Variants in PRR14L observed in about 807,000 individuals in gnomAD.
The protein encoded by PRR14L is protein PRR14L.
In PRR14L, 80 loss-of-function variants were observed where a neutral mutation model predicts 155.0. The ratio of observed to expected loss-of-function variants is 0.52; its 90% CI spans 0.43 to 0.62. The LOEUF is 0.62. PRR14L is among the 20% of genes least tolerant of loss of function. PRR14L has a pLI of 0.00. For synonymous variants in PRR14L, 883 were observed against 916.0 expected (o/e 0.96, Z 0.65); for missense variants, 2,469 against 2,548.0 (o/e 0.97, Z 0.67).
chr22:31,715,422 G>C lies in PRR14L; in HGVS notation c.2417C>G (p.Ala806Gly). The C allele has an allele frequency of 1.3e-6, 2 of 1,552,296 alleles. No individual in the cohort carries two copies. Among genetic ancestry groups the C allele is most frequent in the Non-Finnish European group, 8.7e-7 (1 of 1,147,110 alleles). ...SQENMCSASAAFKSSKISLQV... is the reference protein window; with the variant it reads ...SQENMCSASAGFKSSKISLQV... ...CAGGCTGATTTTGCTGGACTTGAAA[G>C]CAGCAGAAGCAGAACACATGTTTTC... The change falls in exon 4 of 9, where the codon GCT becomes GGT. Residue 806 changes from alanine to glycine, a missense_variant. Ala to Gly is a moderately conservative substitution (Grantham distance 60). Transcript: ENST00000327423.
At chr22:31,701,150 G>A (rs1252988302) in intron 7 of PRR14L, among the ~76,000 whole-genome samples, 5 of 151,690 alleles carry the variant, frequency 3.3e-5, no homozygotes, top group East Asian at 1.9e-4. Flanking sequence ...CACCAAGCCC[G>A]GCTAATTTTG....
rs1417914630 is a variant in PRR14L at position 31,716,277 on chromosome 22, GC to G, written c.1561del (p.Ala521GlnfsTer7). On this transcript the variant is annotated frameshift_variant, in exon 4 of 9. Transcript: ENST00000327423. LOFTEE classifies it high-confidence loss of function. ...SFSSLMQIEEAGQTTPVEPNI... is the reference protein window; with the variant it reads ...SFSSLMQIEEXGQTTPVEPNI... ...GGGCTCTACAGGGGTTGTCTGTCCTGCCTCTTCAATCTGCATCAAGGAGGAA... is the reference window on the plus strand; with the variant it reads ...GGGCTCTACAGGGGTTGTCTGTCCTGCTCTTCAATCTGCATCAAGGAGGAA... 6.4e-7 allele frequency: 1 copy of G among 1,551,464 alleles called. No individual in the cohort carries two copies. The highest frequency in any genetic ancestry group is 8.7e-7 in the Non-Finnish European group (1 of 1,146,922).
chr22:31,727,041 T>TC (rs2074719949), intron 2 of PRR14L, among the ~76,000 whole-genome samples: 2 of 152,124 alleles, frequency 1.3e-5, no homozygotes, highest in Non-Finnish European at 2.9e-5. Flanking sequence ...TACAGGCTCC[T>TC]TCAGATCCCA....
chr22:31,737,960 A>T (rs1312357798), intron 2 of PRR14L, among the ~76,000 whole-genome samples: 1 of 151,996 alleles, frequency 6.6e-6, no homozygotes, highest in East Asian at 1.9e-4. Context: ...GGTTGCAGTG[A>T]GCCAAGGTCG....
chr22:31,741,028 C>T (rs915050542), intron 1 of PRR14L, among the ~76,000 whole-genome samples: 9 of 151,564 alleles, frequency 5.9e-5, no homozygotes, highest in African/African-American at 1.7e-4. Context: ...CCGAGAGGGG[C>T]GGATCACGAG....
rs1169959982 is a variant in PRR14L at position 31,715,225 on chromosome 22, T to C, written c.2614A>G (p.Ile872Val). 3 of 1,552,338 alleles carry C rather than the reference T, an allele frequency of 1.9e-6. No individual in the cohort carries two copies. The highest frequency in any genetic ancestry group is 4.9e-5 in the East Asian group (2 of 40,922). The stretch of plus-strand genomic sequence containing the variant: ...AAGCCTGCTACCATTTTGTTTCTGA[T>C]CTTATCTCCTGGAAGGCTGCCATTC... Reference protein sequence around the residue: ...ETNGSLPGDKIRNKMVAGLLN... With the variant: ...ETNGSLPGDKVRNKMVAGLLN... Residue 872 changes from isoleucine to valine, a missense_variant, in exon 4 of 9, where the codon ATC (isoleucine) becomes GTC (valine). Ile to Val is a conservative substitution (Grantham distance 29). Transcript: ENST00000327423.
At chr22:31,692,578 T>C (rs1335323500) in intron 7 of PRR14L, among the ~76,000 whole-genome samples, 2 of 152,204 alleles carry the variant, frequency 1.3e-5, no homozygotes, top group African/African-American at 4.8e-5. Context: ...CAGACCCTTA[T>C]TAGATGTGTG....
In PRR14L at chr22:31,713,636, T is replaced by C; in HGVS notation, c.4203A>G (p.Lys1401=). Residue 1401 remains lysine, a synonymous_variant, in exon 4 of 9, where the codon AAA becomes AAG. Coordinates refer to ENST00000327423, the MANE Select transcript of PRR14L (RefSeq NM_173566.3). ...TTTGTTGACGTATATATTTCTCTTCTTTCTGCAACATGTAGTCCAAAACCT... is the reference window on the plus strand; with the variant it reads ...TTTGTTGACGTATATATTTCTCTTCCTTCTGCAACATGTAGTCCAAAACCT... ...SPEVLDYMLQ[K]EEKYIRQQKA... 6.4e-7 allele frequency: 1 copy of C among 1,551,984 alleles called. No individual in the cohort carries two copies. Among genetic ancestry groups the C allele is most frequent in the Non-Finnish European group, 8.7e-7 (1 of 1,147,064 alleles).
chr22:31,690,328 C>T (rs1392209336), intron 7 of PRR14L, among the ~76,000 whole-genome samples: 3 of 152,036 alleles, frequency 2.0e-5, no homozygotes, highest in African/African-American at 7.2e-5. Context: ...GGATTACAGG[C>T]GTGAGCCACC....
intron 1 of PRR14L, among the ~76,000 whole-genome samples, chr22:31,741,723 T>C (rs2074814082): frequency 6.6e-6 from 1 of 151,672 alleles, no homozygotes; most frequent in Admixed American, 6.6e-5. Context: ...AATATAAAAA[T>C]TAGCTGGGCA....
At chr22:31,747,102 C>A (rs12373963) in intron 1 of PRR14L, among the ~76,000 whole-genome samples, 200 of 148,248 alleles carry the variant, frequency 1.3e-3, no homozygotes, top group Admixed American at 2.5e-3. Context: ...CCGCGCCTGA[C>A]CCTCTCCCAG....
At chr22:31,743,567 A>G (rs1471347413) in intron 1 of PRR14L, among the ~76,000 whole-genome samples, 2 of 152,110 alleles carry the variant, frequency 1.3e-5, no homozygotes, top group Admixed American at 6.6e-5. Context: ...TTGGGAGGCC[A>G]AGGTGGGTGG....
chr22:31,742,991 G>T (rs914279492), intron 1 of PRR14L, among the ~76,000 whole-genome samples: 1 of 152,190 alleles, frequency 6.6e-6, no homozygotes, highest in Non-Finnish European at 1.5e-5. Context: ...AAGATCCCCT[G>T]TATAGGAATG....
At position 31,717,199 on chromosome 22, in the gene PRR14L, C is replaced by T. The variant is rs1475727285; in HGVS notation, c.640G>A (p.Gly214Arg). ...VNGTKTDNNEGHKNGNVSKDL... is the reference protein window; with the variant it reads ...VNGTKTDNNERHKNGNVSKDL... ...TTACTCACATTGCCATTTTTGTGTCCTTCATTATTATCCGTCTTAGTCCCA... is the reference window on the plus strand; with the variant it reads ...TTACTCACATTGCCATTTTTGTGTCTTTCATTATTATCCGTCTTAGTCCCA... The change falls in exon 4 of 9, where the codon GGA (glycine) becomes AGA (arginine). Residue 214 changes from glycine to arginine, a missense_variant. Physicochemically the swap from Gly to Arg is moderately radical, Grantham distance 125. Around this residue, in one of 2 missense-constraint regions of PRR14L, gnomAD observed 2,363 missense variants for 2,371.6 expected, o/e 1.00. Transcript: ENST00000327423. 1.0e-5 allele frequency: 16 copies of T among 1,552,122 alleles called. No homozygotes were observed. Among genetic ancestry groups the T allele is most frequent in the Non-Finnish European group, 1.3e-5 (15 of 1,147,096 alleles).
intron 2 of PRR14L, 60 bp downstream of exon 2, chr22:31,738,322 GTATTT>G: frequency 7.7e-7 from 1 of 1,293,448 alleles, no homozygotes; most frequent in Non-Finnish European, 1.1e-6. Flanking sequence ...GTCAGCATCT[GTATTT>G]TATCCAGAGA....
intron 2 of PRR14L, among the ~76,000 whole-genome samples, chr22:31,734,650 C>T (rs142397562): frequency 7.2e-5 from 11 of 152,342 alleles, no homozygotes; most frequent in African/African-American, 2.6e-4. Context: ...CTCTAAATTG[C>T]TGAAGGCTTC....
chr22:31,710,692 G>A (rs1023139765), intron 4 of PRR14L, among the ~76,000 whole-genome samples: 1 of 152,078 alleles, frequency 6.6e-6, no homozygotes, highest in African/African-American at 2.4e-5. Flanking sequence ...CTGACCTCGT[G>A]ATCCACCTGT....
At chr22:31,688,344 C>T in intron 7 of PRR14L, 117 bp from the exon 8 acceptor site, 2 of 1,281,692 alleles carry the variant, frequency 1.6e-6, no homozygotes, top group Non-Finnish European at 2.0e-6. Context: ...CTCACTGCAG[C>T]CTTAAACTCT....
intron 3 of PRR14L, among the ~76,000 whole-genome samples, chr22:31,719,164 A>G (rs1309611302): frequency 6.6e-6 from 1 of 152,122 alleles, no homozygotes; most frequent in Non-Finnish European, 1.5e-5. Context: ...GCACTTTGGG[A>G]GGCTGAGGCA....
Sources: gnomAD v4.1 joint callset for allele counts (sites outside exome capture counted in the v4.1 genomes callset) on GRCh38, gnomAD v4.1.1 for gene constraint, gnomAD v4.1.1 regional missense constraint, MANE v1.5 for transcripts, NCBI Gene and HGNC (gene_info 2026-07-23, HGNC 2026-07-21) for gene names.